The following LHFPL3 variants were observed in gnomAD, a reference collection of about 807,000 sequenced individuals.
LHFPL3 encodes the protein LHFPL tetraspan subfamily member 3.
Under a neutral mutation model 19.3 loss-of-function variants are expected in LHFPL3, and 5 were observed. The ratio of observed to expected loss-of-function variants is 0.26; its 90% CI spans 0.14 to 0.54. LHFPL3 has a LOEUF of 0.54. Among genes scored for constraint, LHFPL3 ranks in the 20% least tolerant of loss-of-function variants. The probability of loss-of-function intolerance (pLI) is 0.94; values close to 1 mark genes in which losing one functional copy is unlikely to be tolerated. For missense variants in LHFPL3, 249 were observed against 307.4 expected (o/e 0.81, Z 1.42); for synonymous variants, 133 against 126.2 (o/e 1.05, Z -0.36).
chr7:104,428,183 G>A (rs1791884867), intron 1 of LHFPL3, among the ~76,000 whole-genome samples: 2 of 152,000 alleles, frequency 1.3e-5, no homozygotes, highest in Admixed American at 1.3e-4. Context: ...GTAGATGTCC[G>A]TCCACAATTA....
chr7:104,736,651 T>C, intron 1 of LHFPL3, 24 bp from the exon 2 acceptor site: 1 of 1,506,426 alleles, frequency 6.6e-7, no homozygotes, highest in Non-Finnish European at 9.2e-7. Flanking sequence ...TTGTTTCTTT[T>C]GTTTTTCTCT....
At chr7:104,745,676 G>A (rs754624527) in intron 2 of LHFPL3, among the ~76,000 whole-genome samples, 2 of 152,118 alleles carry the variant, frequency 1.3e-5, no homozygotes, top group African/African-American at 2.4e-5. Context: ...GAAATCACTA[G>A]CCCAAGCCAA....
chr7:104,464,476 C>T (rs1792738308), intron 1 of LHFPL3, among the ~76,000 whole-genome samples: 1 of 152,256 alleles, frequency 6.6e-6, no homozygotes, highest in Admixed American at 6.5e-5. Context: ...ACTGCCCTAG[C>T]AGAGGTTCTC....
At chr7:104,505,074 A>G (rs1161311075) in intron 1 of LHFPL3, among the ~76,000 whole-genome samples, 1 of 152,234 alleles carries the variant, frequency 6.6e-6, no homozygotes, top group East Asian at 1.9e-4. Flanking sequence ...CATACTATGT[A>G]TATGTAGAAG....
chr7:104,811,087 C>T (rs1318327364), intron 2 of LHFPL3, among the ~76,000 whole-genome samples: 2 of 152,192 alleles, frequency 1.3e-5, no homozygotes, highest in African/African-American at 2.4e-5. Context: ...CAAAGGCAAC[C>T]TGCCTAAAAT....
intron 1 of LHFPL3, among the ~76,000 whole-genome samples, chr7:104,536,703 T>C (rs1794394588): frequency 1.3e-5 from 2 of 152,222 alleles, no homozygotes; most frequent in Non-Finnish European, 2.9e-5. Context: ...TTAATTCTTT[T>C]ACACCAGTAA....
At chr7:104,345,934 A>G (rs1166350610) in intron 1 of LHFPL3, among the ~76,000 whole-genome samples, 1 of 152,168 alleles carries the variant, frequency 6.6e-6, no homozygotes, top group Non-Finnish European at 1.5e-5. Flanking sequence ...GTGCTCCACT[A>G]CATCTTTGGA....
chr7:104,519,735 C>T (rs373091782), intron 1 of LHFPL3, among the ~76,000 whole-genome samples: 3 of 152,146 alleles, frequency 2.0e-5, no homozygotes, highest in African/African-American at 2.4e-5. Context: ...ACTGTGGTAC[C>T]TGGGAGCCAT....
chr7:104,474,740 T>C (rs561256028), intron 1 of LHFPL3, among the ~76,000 whole-genome samples: 1 of 148,666 alleles, frequency 6.7e-6, no homozygotes, highest in East Asian at 2.0e-4. Flanking sequence ...ACCCTGCAGC[T>C]TCAGAATAGG....
At chr7:104,769,618 A>G (rs4727612) in intron 2 of LHFPL3, among the ~76,000 whole-genome samples, 1 of 148,062 alleles carries the variant, frequency 6.8e-6, no homozygotes, top group Non-Finnish European at 1.5e-5. Context: ...AGCCCCCCCA[A>G]CCCCCGACAG....
chr7:104,355,992 A>G (rs777501160), intron 1 of LHFPL3, among the ~76,000 whole-genome samples: 5 of 152,262 alleles, frequency 3.3e-5, no homozygotes, highest in Admixed American at 3.3e-4. Context: ...ATACAGATGT[A>G]CCTAATTAAG....
intron 1 of LHFPL3, among the ~76,000 whole-genome samples, chr7:104,562,503 G>T (rs962964859): frequency 3.9e-5 from 6 of 151,960 alleles, no homozygotes; most frequent in African/African-American, 1.2e-4. Flanking sequence ...CATTCTTCAC[G>T]TAGTTCTGGA....
intron 1 of LHFPL3, among the ~76,000 whole-genome samples, chr7:104,574,421 G>A (rs1782644324): frequency 6.6e-6 from 1 of 152,050 alleles, no homozygotes; most frequent in South Asian, 2.1e-4. Flanking sequence ...AGAATAGAGG[G>A]GCTTATTCAG....
chr7:104,734,307 A>G (rs1793762641), intron 1 of LHFPL3, among the ~76,000 whole-genome samples: 1 of 152,204 alleles, frequency 6.6e-6, no homozygotes, highest in Admixed American at 6.5e-5. Flanking sequence ...AATATCCTGC[A>G]GAGTGTTTTC....
chr7:104,805,017 C>T (rs927742171), intron 2 of LHFPL3, among the ~76,000 whole-genome samples: 5 of 152,214 alleles, frequency 3.3e-5, no homozygotes, highest in African/African-American at 1.2e-4. Context: ...TTCACTCCCA[C>T]CAGCCAGCAC....
chr7:104,629,047 T>G (rs1791596041), intron 1 of LHFPL3, among the ~76,000 whole-genome samples: 2 of 152,212 alleles, frequency 1.3e-5, no homozygotes, highest in South Asian at 4.1e-4. Flanking sequence ...TCTGTTCAAA[T>G]CAATTTTGTT....
intron 2 of LHFPL3, among the ~76,000 whole-genome samples, chr7:104,883,884 G>GT (rs1359757331): frequency 2.0e-5 from 3 of 152,138 alleles, no homozygotes; most frequent in African/African-American, 7.2e-5. Context: ...AGAGGAAAGC[G>GT]TGGGCCTCTG....
At chr7:104,330,483 G>A (rs1312475835) in intron 1 of LHFPL3, among the ~76,000 whole-genome samples, 1 of 152,184 alleles carries the variant, frequency 6.6e-6, no homozygotes, top group Non-Finnish European at 1.5e-5. Flanking sequence ...ACTTAAAGGT[G>A]CTGGACAATA....
intron 1 of LHFPL3, among the ~76,000 whole-genome samples, chr7:104,707,439 T>C (rs1305727758): frequency 6.6e-6 from 1 of 152,172 alleles, no homozygotes; most frequent in Non-Finnish European, 1.5e-5. Flanking sequence ...TGACCACTAA[T>C]CAGATGAAAA....
Sources: gnomAD v4.1 joint callset for allele counts (sites outside exome capture counted in the v4.1 genomes callset) on GRCh38, gnomAD v4.1.1 for gene constraint, MANE v1.5 for transcripts, NCBI Gene and HGNC (gene_info 2026-07-23, HGNC 2026-07-21) for gene names.